DLGAP2: variants seen among roughly 807,000 people sequenced by gnomAD.
The protein encoded by DLGAP2 is DLG associated protein 2.
In DLGAP2, 26 loss-of-function variants were observed where a neutral mutation model predicts 100.3. That is an observed-to-expected ratio of 0.26 (90% CI 0.19 to 0.36). The LOEUF (loss-of-function observed/expected upper bound fraction) is 0.36. Ranked by LOEUF, DLGAP2 falls within the 10% of genes least tolerant of loss-of-function variation. DLGAP2 has a pLI of 1.00. For synonymous variants in DLGAP2, 886 were observed against 630.1 expected, an observed-to-expected ratio of 1.41 and a Z score of -6.08; for missense variants, 1,858 against 1,453.2, an observed-to-expected ratio of 1.28 and a Z score of -4.53.
intron 2 of DLGAP2, among the ~76,000 whole-genome samples, chr8:1,238,037 A>G (rs1390128622): frequency 1.9e-4 from 1 of 5,320 alleles, no homozygotes; most frequent in Non-Finnish European, 4.4e-4. Flanking sequence ...CGCCGTGTCT[A>G]GTTCTCTGCC....
intron 2 of DLGAP2, among the ~76,000 whole-genome samples, chr8:1,109,995 T>C (rs1453064498): frequency 3.0e-5 from 3 of 100,426 alleles, no homozygotes; most frequent in East Asian, 3.4e-4. Flanking sequence ...GAGGTGTGCA[T>C]GGGTCTGTGA....
chr8:993,589 G>C (rs549390817), intron 2 of DLGAP2, among the ~76,000 whole-genome samples: 1 of 151,998 alleles, frequency 6.6e-6, no homozygotes, highest in South Asian at 2.1e-4. Context: ...ATCTCAGCTC[G>C]TGTTCTCCTA....
intron 1 of DLGAP2, among the ~76,000 whole-genome samples, chr8:858,128 A>G (rs565962436): frequency 6.6e-5 from 10 of 152,308 alleles, no homozygotes; most frequent in East Asian, 1.9e-4. Context: ...GAGTGTCGGG[A>G]TTACAGGCGT....
chr8:800,273 C>T (rs1019746735), intron 1 of DLGAP2, among the ~76,000 whole-genome samples: 6 of 152,198 alleles, frequency 3.9e-5, no homozygotes, highest in Non-Finnish European at 5.9e-5. Flanking sequence ...TAAAGATGTA[C>T]AGACATTGTG....
intron 4 of DLGAP2, among the ~76,000 whole-genome samples, chr8:1,513,694 T>A (rs1800259790): frequency 6.6e-6 from 1 of 152,174 alleles, no homozygotes; most frequent in African/African-American, 2.4e-5. Context: ...AGCTTCCTAA[T>A]CATATGCAAT....
intron 2 of DLGAP2, among the ~76,000 whole-genome samples, chr8:1,118,941 A>G (rs1795965787): frequency 6.6e-6 from 1 of 152,256 alleles, no homozygotes; most frequent in Admixed American, 6.5e-5. Flanking sequence ...TTATGCTTAC[A>G]TAGAATAATT....
intron 1 of DLGAP2, among the ~76,000 whole-genome samples, chr8:802,168 T>TCACGGC: frequency 1.4e-5 from 2 of 147,904 alleles, no homozygotes; most frequent in African/African-American, 2.5e-5. Context: ...TCCTGGGTCC[T>TCACGGC]CTGTCCTCAT....
chr8:1,486,635 C>T (rs903578667), intron 3 of DLGAP2, among the ~76,000 whole-genome samples: 1 of 148,698 alleles, frequency 6.7e-6, no homozygotes, highest in Non-Finnish European at 1.5e-5. Flanking sequence ...ACAACACTAA[C>T]AGAACTGCAT....
chr8:1,571,692 G>A (rs1452875773), intron 6 of DLGAP2, among the ~76,000 whole-genome samples: 27 of 122,682 alleles, frequency 2.2e-4, no homozygotes, highest in Admixed American at 4.0e-4. Flanking sequence ...GCATCTTCTG[G>A]GATGGAGAGG....
At chr8:1,157,193 G>T (rs1224954971) in intron 2 of DLGAP2, among the ~76,000 whole-genome samples, 1 of 152,086 alleles carries the variant, frequency 6.6e-6, no homozygotes, top group Non-Finnish European at 1.5e-5. Context: ...TCAGCCTGTG[G>T]GTTCCGTACC....
chr8:977,568 T>G (rs1800198257), intron 2 of DLGAP2, among the ~76,000 whole-genome samples: 1 of 152,258 alleles, frequency 6.6e-6, no homozygotes, highest in South Asian at 2.1e-4. Context: ...TCATGCCTCC[T>G]TGCGAACTTT....
intron 1 of DLGAP2, among the ~76,000 whole-genome samples, chr8:813,558 C>T (rs1377988361): frequency 1.3e-5 from 2 of 152,096 alleles, no homozygotes; most frequent in Non-Finnish European, 2.9e-5. Context: ...ATTTTCAAAA[C>T]TGAGGAATAA....
intron 2 of DLGAP2, among the ~76,000 whole-genome samples, chr8:1,091,969 G>T (rs1021224052): frequency 2.6e-5 from 4 of 152,090 alleles, no homozygotes; most frequent in Non-Finnish European, 5.9e-5. Flanking sequence ...TGCCACTTCT[G>T]CCCCACGTTT....
intron 3 of DLGAP2, among the ~76,000 whole-genome samples, chr8:1,284,533 C>G (rs773559492): frequency 1.3e-5 from 2 of 152,192 alleles, no homozygotes; most frequent in Non-Finnish European, 2.9e-5. Flanking sequence ...GTCAACTCAC[C>G]GCTTTCAGTG....
At chr8:1,458,720 C>T (rs1300808177) in intron 3 of DLGAP2, among the ~76,000 whole-genome samples, 1 of 152,236 alleles carries the variant, frequency 6.6e-6, no homozygotes. Flanking sequence ...ACAGGGTTTG[C>T]ACACAGCCTT....
chr8:1,522,422 G>C (rs1194981107), intron 4 of DLGAP2, among the ~76,000 whole-genome samples: 2 of 152,328 alleles, frequency 1.3e-5, no homozygotes, highest in South Asian at 4.1e-4. Context: ...GGGCCTGGGG[G>C]ACCTCCTTTT....
At chr8:1,385,056 G>A (rs1281787935) in intron 3 of DLGAP2, among the ~76,000 whole-genome samples, 238 of 73,682 alleles carry the variant, frequency 3.2e-3, no homozygotes, top group African/African-American at 0.011. Context: ...GCCTGTGCCC[G>A]TCCCCTGAGA....
intron 3 of DLGAP2, among the ~76,000 whole-genome samples, chr8:1,266,185 C>A (rs1799446763): frequency 6.6e-6 from 1 of 152,244 alleles, no homozygotes; most frequent in South Asian, 2.1e-4. Flanking sequence ...ACGCTGTCTA[C>A]TATCTGCGAA....
intron 3 of DLGAP2, among the ~76,000 whole-genome samples, chr8:1,287,541 G>GTGTT (rs1799961850): frequency 7.5e-6 from 1 of 133,626 alleles, no homozygotes; most frequent in Non-Finnish European, 1.5e-5. Context: ...GTGTGTGTGT[G>GTGTT]TGTATGTGTG....
Sources: allele counts gnomAD v4.1 joint callset (sites outside exome capture counted in the v4.1 genomes callset), GRCh38; gene constraint gnomAD v4.1.1; transcripts MANE v1.5; gene names NCBI Gene and HGNC (gene_info 2026-07-23, HGNC 2026-07-21).